Variants in NARS1 observed in about 807,000 individuals in gnomAD.
The protein encoded by NARS1 is asparagine--tRNA ligase, cytoplasmic.
NARS1 carries 65 observed loss-of-function variants against 79.2 expected under a neutral mutation model. The observed-to-expected ratio is 0.82, with a 90% CI of 0.67 to 1.01. The LOEUF (loss-of-function observed/expected upper bound fraction) is 1.01. Among genes scored for constraint, NARS1 ranks in the 50% least tolerant of loss-of-function variants. NARS1 has a pLI of 0.00. For missense variants in NARS1, 649 were observed against 673.8 expected (o/e 0.96, Z 0.41); for synonymous variants, 229 against 238.8 (o/e 0.96, Z 0.38).
intron 6 of NARS1, among the ~76,000 whole-genome samples, chr18:57,609,644 T>C (rs1180837380): frequency 1.3e-5 from 2 of 152,220 alleles, no homozygotes; most frequent in Non-Finnish European, 2.9e-5. Flanking sequence ...GACATATACA[T>C]GTAAATATAT....
At position 57,611,151 on chromosome 18, in the gene NARS1, G is replaced by C. The variant is rs117293851; in HGVS notation, c.492+486C>G. On this transcript the variant is annotated intron_variant, in intron 6 of 13. Coordinates refer to ENST00000256854, the MANE Select transcript of NARS1 (RefSeq NM_004539.4). ...CTGGCTAGTTTTTGTATTTTTTGTAGAGATAGGATTTCACCATGTTGCCAG... is the reference window on the plus strand; with the variant it reads ...CTGGCTAGTTTTTGTATTTTTTGTACAGATAGGATTTCACCATGTTGCCAG... 0.011 allele frequency among the ~76,000 whole-genome samples: 1,657 copies of C among 151,938 alleles called. 77 individuals are homozygous for C. In the East Asian group the frequency reaches 0.12, roughly 11 times the overall value.
At position 57,602,441 on chromosome 18, in the gene NARS1, T is replaced by C. The variant is rs776864584; in HGVS notation, c.1429A>G (p.Met477Val). The change falls in exon 13 of 14, where the codon ATG (methionine) becomes GTG (valine). Residue 477 changes from methionine (M) to valine (V), a missense_variant. Transcript: ENST00000256854. ...ATTTCTTCACTATCAAAGATACGCA[T>C]TGAGCCTCCCACAATCTCACCAACA... ...PNVGEIVGGSMRIFDSEEILA... is the reference protein window; with the variant it reads ...PNVGEIVGGSVRIFDSEEILA... 13 of 1,613,822 alleles carry C rather than the reference T, an allele frequency of 8.1e-6. No individual in the cohort carries two copies. The African/African-American group carries it at 1.1e-4, about 13-fold the overall frequency.
At chr18:57,614,655 T>C (rs910668688) in intron 4 of NARS1, among the ~76,000 whole-genome samples, 10 of 152,180 alleles carry the variant, frequency 6.6e-5, no homozygotes, top group African/African-American at 2.4e-4. Flanking sequence ...AAATAAAACA[T>C]GAAAATCATA....
chr18:57,606,926 C>T (rs2051562899), intron 9 of NARS1, 175 bp from the exon 10 acceptor site: 3 of 934,112 alleles, frequency 3.2e-6, no homozygotes, highest in East Asian at 5.2e-5. Context: ...TTCTTGTTTG[C>T]TCCTTTATAT....
chr18:57,613,779 A>G, intron 4 of NARS1, 99 bp from the exon 5 acceptor site: 1 of 970,324 alleles, frequency 1.0e-6, no homozygotes, highest in Non-Finnish European at 1.6e-6. Flanking sequence ...GTTAAAAATC[A>G]CAAATGGTGC....
At chr18:57,621,154 C>T (rs985535494) in intron 1 of NARS1, among the ~76,000 whole-genome samples, 2 of 152,140 alleles carry the variant, frequency 1.3e-5, no homozygotes, top group African/African-American at 4.8e-5. Flanking sequence ...ACACCAGCTC[C>T]CTCTGGACTT....
At chr18:57,606,514 T>G (rs751385580) in intron 10 of NARS1, 102 bp downstream of exon 10, 37 of 1,154,196 alleles carry the variant, frequency 3.2e-5, no homozygotes, top group Admixed American at 9.2e-5. Flanking sequence ...GTCACTTATT[T>G]CAGCTCACCA....
intron 13 of NARS1, 82 bp from the exon 14 acceptor site, chr18:57,601,865 T>C (rs2122416826): frequency 6.9e-7 from 1 of 1,457,012 alleles, no homozygotes; most frequent in South Asian, 1.2e-5. Flanking sequence ...TTTTCCACCA[T>C]GAAAGGAGTT....
Position 57,607,214 on chromosome 18 carries a change from G to A in NARS1, c.921C>T (p.Cys307=). ...TQSSQLYLET[C]LPALGDVFCI... Reference sequence around the variant, plus strand: ...AAAAAACATCTCCCAGGGCTGGGAGGCAGGTCTCCAAGTACAACTGAGAGG... The same window carrying A: ...AAAAAACATCTCCCAGGGCTGGGAGACAGGTCTCCAAGTACAACTGAGAGG... Residue 307 remains cysteine (C), a synonymous_variant, in exon 9 of 14, where the codon TGC becomes TGT. Coordinates refer to ENST00000256854, the MANE Select transcript of NARS1 (RefSeq NM_004539.4). 1 of 1,614,074 alleles carries A rather than the reference G, an allele frequency of 6.2e-7. No individual in the cohort carries two copies. Among genetic ancestry groups the A allele is most frequent in the Non-Finnish European group, 8.5e-7 (1 of 1,179,996 alleles).
chr18:57,609,338 C>G lies in NARS1; in HGVS notation c.579+19G>C. On this transcript the variant is annotated intron_variant, in intron 7 of 13. Coordinates refer to ENST00000256854, the MANE Select transcript of NARS1 (RefSeq NM_004539.4). The stretch of plus-strand genomic sequence containing the variant: ...AAATAAACTATTCATTCACCCAGTG[C>G]GAAACTCAATCCACTCACCTGCTTG... The G allele has an allele frequency of 6.3e-7, 1 of 1,588,782 alleles. No homozygotes were observed. The highest frequency in any genetic ancestry group is 8.6e-7 in the Non-Finnish European group (1 of 1,158,320).
chr18:57,606,892 C>T (rs2051562414), intron 9 of NARS1, 141 bp from the exon 10 acceptor site: 1 of 1,067,666 alleles, frequency 9.4e-7, no homozygotes, highest in South Asian at 1.6e-5. Context: ...CTGTGGACTC[C>T]CCTCTTCTCC....
chr18:57,601,721 C>A lies in NARS1; in HGVS notation c.1578G>T (p.Trp526Cys). 3 of 1,613,590 alleles carry A rather than the reference C, an allele frequency of 1.9e-6. No homozygotes were observed. The highest frequency in any genetic ancestry group is 2.5e-6 in the Non-Finnish European group (3 of 1,179,568). Residue 526 changes from tryptophan to cysteine, a missense_variant, in exon 14 of 14, where the codon TGG (tryptophan) becomes TGT (cysteine). Coordinates refer to ENST00000256854, the MANE Select transcript of NARS1 (RefSeq NM_004539.4). ...YGLGLERFLT[W>C]ILNRYHIRDV... ...CTCGGATGTGATACCTATTCAGAAT[C>A]CACGTTAAGAATCGTTCCAAGCCCA...
chr18:57,613,024 G>A (rs2051617017), intron 5 of NARS1, among the ~76,000 whole-genome samples: 1 of 152,094 alleles, frequency 6.6e-6, no homozygotes, highest in South Asian at 2.1e-4. Flanking sequence ...ACCATTAAAA[G>A]AGCATTTAAA....
chr18:57,614,687 T>C (rs1482514970), intron 4 of NARS1, among the ~76,000 whole-genome samples: 1 of 152,212 alleles, frequency 6.6e-6, no homozygotes, highest in African/African-American at 2.4e-5. Context: ...CTTCATTTTA[T>C]AAGCAAACTG....
At chr18:57,602,710 T>TA (rs1198345360) in intron 12 of NARS1, 102 bp downstream of exon 12, 10 of 1,383,436 alleles carry the variant, frequency 7.2e-6, no homozygotes, top group Non-Finnish European at 8.8e-6. Context: ...TTATTCTAGA[T>TA]AGAGAATGAA....
At chr18:57,618,521 T>C (rs931883582) in intron 2 of NARS1, among the ~76,000 whole-genome samples, 1 of 152,182 alleles carries the variant, frequency 6.6e-6, no homozygotes, top group Non-Finnish European at 1.5e-5. Flanking sequence ...CAAACGTTCA[T>C]CTAAACGGTG....
intron 2 of NARS1, among the ~76,000 whole-genome samples, chr18:57,620,078 T>C (rs958746805): frequency 3.9e-5 from 6 of 152,156 alleles, no homozygotes; most frequent in Admixed American, 3.9e-4. Context: ...TGTTAATTCA[T>C]TAACAGAATG....
intron 2 of NARS1, among the ~76,000 whole-genome samples, chr18:57,620,203 A>G (rs1294660349): frequency 2.0e-5 from 3 of 152,172 alleles, no homozygotes; most frequent in Non-Finnish European, 4.4e-5. Context: ...GGATTGTGGT[A>G]AATTCACCAA....
At chr18:57,621,254 C>CTTT (rs548152796) in intron 1 of NARS1, among the ~76,000 whole-genome samples, 1 of 139,354 alleles carries the variant, frequency 7.2e-6, no homozygotes, top group African/African-American at 2.6e-5. Context: ...AGGTCTCTCT[C>CTTT]TTTTTTTTTT....
Sources: allele counts gnomAD v4.1 joint callset (sites outside exome capture counted in the v4.1 genomes callset), GRCh38; gene constraint gnomAD v4.1.1; transcripts MANE v1.5; gene names NCBI Gene and HGNC (gene_info 2026-07-23, HGNC 2026-07-21).